Variants in TNNI3K observed in about 807,000 individuals in gnomAD.
TNNI3K encodes serine/threonine-protein kinase TNNI3K.
A neutral mutation model predicts 114.5 loss-of-function variants in TNNI3K; 140 were observed. The observed-to-expected ratio is 1.22, with a 90% confidence interval of 1.07 to 1.41. TNNI3K has a LOEUF of 1.41. Ranked by LOEUF, TNNI3K falls within the 40% of genes most tolerant of loss-of-function variation. The probability of loss-of-function intolerance (pLI) is 0.00; values close to 1 mark genes in which losing one functional copy is unlikely to be tolerated. For missense variants in TNNI3K, 1,125 were observed against 1,007.6 expected (o/e 1.12, Z -1.58); for synonymous variants, 347 against 347.5 (o/e 1.00, Z 0.02).
rs560051229 is a variant in TNNI3K at position 74,431,825 on chromosome 1, C to T, written c.1773-4255C>T. On this transcript the variant is annotated intron_variant, in intron 17 of 24. Coordinates refer to ENST00000326637, the MANE Select transcript of TNNI3K (RefSeq NM_015978.3). ...GCTTCTGAACTTAAGCCTCACTTGA[C>T]GCAACAAAATTGCAAGTTAGCAAAC... Among the ~76,000 whole-genome samples the T allele has an allele frequency of 2.0e-5, 3 of 152,158 alleles. No individual in the cohort carries two copies. In the South Asian group the frequency reaches 6.2e-4, roughly 31 times the overall value.
chr1:74,473,280 C>G (rs903997360), intron 21 of TNNI3K, among the ~76,000 whole-genome samples: 3 of 152,058 alleles, frequency 2.0e-5, no homozygotes, highest in Admixed American at 6.6e-5. Flanking sequence ...GAATGCTTTC[C>G]CGTAGTCACA....
chr1:74,289,895 A>T (rs117151015), intron 5 of TNNI3K, among the ~76,000 whole-genome samples: 2,800 of 151,974 alleles, frequency 0.018, 67 homozygotes, highest in Admixed American at 0.053. Context: ...AGAGACAGTC[A>T]CTTTGTTTAG....
rs529809583 is a variant in TNNI3K at position 74,370,946 on chromosome 1, T to C, written c.1772+554T>C. 5 of 151,972 alleles carry C rather than the reference T, an allele frequency of 3.3e-5. No homozygotes were observed. The East Asian group carries it at 7.8e-4, about 24-fold the overall frequency. The allele number at this position is 151,972 out of a possible 1,614,324, so 9.4% of individuals were successfully genotyped here. On this transcript the variant is annotated intron_variant, in intron 17 of 24. Coordinates refer to ENST00000326637, the MANE Select transcript of TNNI3K (RefSeq NM_015978.3). Reference sequence around the variant, plus strand: ...AAAACTTTCTCTGAGTAAAGTCTTATAGGAAAGGCCAATATACAAAATGGA... The same window carrying C: ...AAAACTTTCTCTGAGTAAAGTCTTACAGGAAAGGCCAATATACAAAATGGA...
intron 9 of TNNI3K, among the ~76,000 whole-genome samples, chr1:74,349,810 T>C (rs1661230650): frequency 6.6e-6 from 1 of 152,222 alleles, no homozygotes; most frequent in South Asian, 2.1e-4. Context: ...GTGGGATCGG[T>C]GGTGATATCC....
chr1:74,425,105 G>A (rs1665572180), intron 17 of TNNI3K, among the ~76,000 whole-genome samples: 1 of 152,048 alleles, frequency 6.6e-6, no homozygotes, highest in East Asian at 1.9e-4. Context: ...GGTCAGGAAG[G>A]GCATAAGGCA....
chr1:74,428,119 T>A (rs541258913), intron 17 of TNNI3K, among the ~76,000 whole-genome samples: 2 of 152,190 alleles, frequency 1.3e-5, no homozygotes, highest in South Asian at 4.1e-4. Context: ...GGTTCTACAA[T>A]CCTTTGCATT....
chr1:74,299,417 A>T (rs968595424), intron 5 of TNNI3K, among the ~76,000 whole-genome samples: 2 of 2,768 alleles, frequency 7.2e-4, no homozygotes, highest in Admixed American at 0.022. Flanking sequence ...AGAATCTTGA[A>T]AGACTTTTTT....
chr1:74,516,807 T>C (rs1245178548), intron 23 of TNNI3K, among the ~76,000 whole-genome samples: 1 of 152,220 alleles, frequency 6.6e-6, no homozygotes, highest in Non-Finnish European at 1.5e-5. Context: ...TTATAACAAG[T>C]TAAGGCAGCT....
intron 23 of TNNI3K, among the ~76,000 whole-genome samples, chr1:74,521,629 AC>A (rs1646435086): frequency 6.6e-6 from 1 of 152,156 alleles, no homozygotes; most frequent in South Asian, 2.1e-4. Context: ...GTAAAGACGC[AC>A]TATATTCCTA....
chr1:74,510,334 G>A (rs7416565), intron 23 of TNNI3K, among the ~76,000 whole-genome samples: 8,234 of 151,968 alleles, frequency 0.054, 451 homozygotes, highest in African/African-American at 0.14. Flanking sequence ...GTGAAGCCCC[G>A]TCTCTACTAA....
intron 17 of TNNI3K, among the ~76,000 whole-genome samples, chr1:74,378,443 ACT>A (rs1158088613): frequency 1.4e-3 from 204 of 150,978 alleles, no homozygotes; most frequent in Non-Finnish European, 2.3e-3. Context: ...CCATGATGTT[ACT>A]CAGGACCCAT....
At chr1:74,352,234 T>A (rs1366853307) in intron 9 of TNNI3K, among the ~76,000 whole-genome samples, 1 of 152,230 alleles carries the variant, frequency 6.6e-6, no homozygotes, top group African/African-American at 2.4e-5. Context: ...GGAGGTCCAC[T>A]CCAGACCCTG....
intron 21 of TNNI3K, chr1:74,472,325 A>G (rs1311343183): frequency 1.0e-5 from 6 of 593,734 alleles, no homozygotes; most frequent in African/African-American, 1.9e-5. Context: ...GTTCTTCACT[A>G]TTTCCTAATT....
At chr1:74,340,939 G>T (rs74096708) in intron 7 of TNNI3K, among the ~76,000 whole-genome samples, 1 of 152,104 alleles carries the variant, frequency 6.6e-6, no homozygotes, top group African/African-American at 2.4e-5. Context: ...TCAAAGGTTT[G>T]TTTGTAATAA....
chr1:74,475,682 C>T (rs761468202), intron 21 of TNNI3K: 1 of 714,884 alleles, frequency 1.4e-6, no homozygotes, highest in South Asian at 1.5e-5. Flanking sequence ...TAATTTCTTG[C>T]CTCATGAGCA....
intron 5 of TNNI3K, among the ~76,000 whole-genome samples, chr1:74,296,236 A>G (rs997147623): frequency 6.6e-6 from 1 of 151,748 alleles, no homozygotes; most frequent in Admixed American, 6.6e-5. Context: ...AGATCGCGCC[A>G]CTGTGCTCCA....
At chr1:74,501,180 T>A (rs1669604456) in intron 23 of TNNI3K, among the ~76,000 whole-genome samples, 2 of 152,230 alleles carry the variant, frequency 1.3e-5, no homozygotes, top group South Asian at 4.1e-4. Flanking sequence ...TTACTTTCTC[T>A]ATCCTGCTTT....
intron 2 of TNNI3K, among the ~76,000 whole-genome samples, chr1:74,247,298 G>C (rs543230210): frequency 6.6e-6 from 1 of 152,020 alleles, no homozygotes; most frequent in African/African-American, 2.4e-5. Context: ...TGTTCCTCCC[G>C]TCCGGAGTTG....
At chr1:74,326,270 C>T (rs72673268) in intron 5 of TNNI3K, among the ~76,000 whole-genome samples, 2,282 of 152,238 alleles carry the variant, frequency 0.015, 30 homozygotes, top group Non-Finnish European at 0.024. Flanking sequence ...TTACCCTATT[C>T]TATTTTCTCT....
Sources: allele counts gnomAD v4.1 joint callset (sites outside exome capture counted in the v4.1 genomes callset), GRCh38; gene constraint gnomAD v4.1.1; transcripts MANE v1.5; gene names NCBI Gene and HGNC (gene_info 2026-07-23, HGNC 2026-07-21).